Variants in USP24 observed in about 807,000 individuals in gnomAD.
USP24 encodes ubiquitin specific peptidase 24.
USP24 carries 97 observed loss-of-function variants against 361.6 expected under a neutral mutation model. That is an observed-to-expected ratio of 0.27 (90% confidence interval 0.23 to 0.32). The LOEUF (loss-of-function observed/expected upper bound fraction) is 0.32, where lower values mean the gene tolerates loss of function less well. USP24 is among the 10% of genes least tolerant of loss of function. The pLI is 1.00. For missense variants in USP24, 2,353 were observed against 3,165.6 expected, an observed-to-expected ratio of 0.74 and a Z score of 6.16; for synonymous variants, 1,098 against 1,124.6, an observed-to-expected ratio of 0.98 and a Z score of 0.47.
At position 55,143,011 on chromosome 1, in the gene USP24, T is replaced by C; in HGVS notation, c.2548A>G (p.Ser850Gly). Reference sequence around the variant, plus strand: ...AATCTAGGATTTAGATTAATGTAACTATAGTTTATGATTAGCTGAATAGCT... The same window carrying C: ...AATCTAGGATTTAGATTAATGTAACCATAGTTTATGATTAGCTGAATAGCT... ...NEAIQLIINYSYINLNPRLKK... is the reference protein window; with the variant it reads ...NEAIQLIINYGYINLNPRLKK... Residue 850 changes from serine (S) to glycine (G), a missense_variant, in exon 22 of 68, where the codon AGT becomes GGT. This residue lies in a region of USP24 where 949 missense variants were observed against 1,280.5 expected (regional missense o/e 0.74). Coordinates refer to ENST00000294383, the MANE Select transcript of USP24 (RefSeq NM_015306.3). 1.3e-6 allele frequency: 2 copies of C among 1,522,996 alleles called. No individual in the cohort carries two copies. Among genetic ancestry groups the C allele is most frequent in the South Asian group, 1.3e-5 (1 of 78,292 alleles). The allele number at this position is 1,522,996 out of a possible 1,614,324, so 94.3% of individuals were successfully genotyped here. A position where few individuals can be genotyped will look rare whatever the true frequency, so the allele number is the denominator to read the frequency against.
chr1:55,143,194 T>G (rs901164835), intron 21 of USP24, 75 bp from the exon 22 acceptor site: 7 of 1,145,770 alleles, frequency 6.1e-6, no homozygotes, highest in Non-Finnish European at 8.3e-6. Context: ...ATAATTATTT[T>G]GTTACATCAT....
chr1:55,088,733 G>A (rs540810322), intron 55 of USP24, among the ~76,000 whole-genome samples: 12 of 152,268 alleles, frequency 7.9e-5, no homozygotes, highest in Admixed American at 6.5e-4. Flanking sequence ...AGTGCTTGCT[G>A]GAACCCCACA....
intron 62 of USP24, 133 bp from the exon 63 acceptor site, chr1:55,075,656 AC>A (rs1239896819): frequency 3.3e-4 from 165 of 498,832 alleles, no homozygotes; most frequent in East Asian, 1.5e-3. Context: ...AACAACAACA[AC>A]AACAACAACA....
At chr1:55,177,568 AT>A (rs1273471824) in intron 2 of USP24, among the ~76,000 whole-genome samples, 2 of 152,230 alleles carry the variant, frequency 1.3e-5, no homozygotes, top group Admixed American at 1.3e-4. Context: ...ACCTATTGAT[AT>A]TTTATTATTT....
At chr1:55,096,880 G>A (rs1315523211) in intron 49 of USP24, 72 bp downstream of exon 49, 11 of 1,524,304 alleles carry the variant, frequency 7.2e-6, no homozygotes, top group African/African-American at 6.9e-5. Context: ...GCACCACAGC[G>A]GTGAGTATGG....
intron 56 of USP24, among the ~76,000 whole-genome samples, chr1:55,084,705 G>A (rs1013459462): frequency 1.3e-5 from 2 of 152,146 alleles, no homozygotes; most frequent in African/African-American, 2.4e-5. Flanking sequence ...TGGGTGGCAA[G>A]AGGCACCATT....
chr1:55,148,890 T>A (rs550142971), intron 16 of USP24, among the ~76,000 whole-genome samples: 1 of 152,342 alleles, frequency 6.6e-6, no homozygotes, highest in South Asian at 2.1e-4. Context: ...CACAGGCTGC[T>A]AAGTCATGTT....
At chr1:55,176,997 AGGAGGATCACTTAAGCCTG>A (rs1176503340) in intron 2 of USP24, among the ~76,000 whole-genome samples, 1 of 151,120 alleles carries the variant, frequency 6.6e-6, no homozygotes, top group Admixed American at 6.6e-5. Context: ...AGGCTGAGGT[AGGAGGATCACTTAAGCCTG>A]GGAGGTTGAG....
chr1:55,078,765 G>C (rs1645080183), intron 60 of USP24, 114 bp from the exon 61 acceptor site: 1 of 722,292 alleles, frequency 1.4e-6, no homozygotes, highest in Non-Finnish European at 2.2e-6. Context: ...AACACTGCCT[G>C]AAAACAGGGT....
In USP24 at chr1:55,071,892, A is replaced by G. The variant is rs1463995465; in HGVS notation, c.7722T>C (p.Asn2574=). Residue 2574 remains asparagine, a synonymous_variant, in exon 67 of 68, where the codon AAT becomes AAC. Coordinates refer to ENST00000294383, the MANE Select transcript of USP24 (RefSeq NM_015306.3). ...TACTGCTTCCTGATTGCTCTTTTTC[A>G]TTCAACAAAGCTGTGGCATACGCTA... ...DTLAYATALL[N]EKEQSGSSNG... is the part of the protein sequence containing the mutation. 7 of 1,612,686 alleles carry G rather than the reference A, an allele frequency of 4.3e-6. No homozygotes were observed. The South Asian group carries it at 4.4e-5, about 10-fold the overall frequency.
intron 66 of USP24, among the ~76,000 whole-genome samples, 153 bp from the exon 67 acceptor site, chr1:55,072,077 T>G (rs1041514613): frequency 3.3e-5 from 5 of 152,140 alleles, no homozygotes; most frequent in Admixed American, 1.3e-4. Flanking sequence ...CCTCAACCCC[T>G]GTCCCTTTTT....
rs866454312 is a variant in USP24, at chr1:55,215,026, C to T, written c.88G>A (p.Ala30Thr). ...PATIRKALRLAKNDINEAVAL... is the reference protein window; with the variant it reads ...PATIRKALRLTKNDINEAVAL... ...ACGGCCTCGTTAATGTCGTTCTTGG[C>T]CAGGCGCAGGGCCTTGCGGATGGTG... The change falls in exon 1 of 68, where the codon GCC becomes ACC. Residue 30 changes from alanine (A) to threonine (T), a missense_variant. Physicochemically the swap from Ala to Thr is moderately conservative, Grantham distance 58. Coordinates refer to ENST00000294383, the MANE Select transcript of USP24 (RefSeq NM_015306.3). The T allele has an allele frequency of 1.3e-6, 2 of 1,485,708 alleles. No homozygotes were observed. Among genetic ancestry groups the T allele is most frequent in the South Asian group, 1.3e-5 (1 of 78,790 alleles). The allele number at this position is 1,485,708 out of a possible 1,614,324, so 92.0% of individuals were successfully genotyped here. A position where few individuals can be genotyped will look rare whatever the true frequency, so the allele number is the denominator to read the frequency against.
In USP24 at chr1:55,094,866, G is replaced by A. The variant is rs1040008597; in HGVS notation, c.6203+389C>T. 4.6e-5 allele frequency among the ~76,000 whole-genome samples: 7 copies of A among 152,000 alleles called. No homozygotes were observed. The East Asian group carries it at 1.4e-3, about 29-fold the overall frequency. ...ACAGACAAACCAAATATCTGGGCCT[G>A]GTGCCCCTCGCCTGTGGTCCCAGCT... On this transcript the variant is annotated intron_variant, in intron 51 of 67. Coordinates refer to ENST00000294383, the MANE Select transcript of USP24 (RefSeq NM_015306.3).
chr1:55,072,904 C>T, intron 64 of USP24, 43 bp from the exon 65 acceptor site: 1 of 1,553,050 alleles, frequency 6.4e-7, no homozygotes, highest in Non-Finnish European at 8.7e-7. Flanking sequence ...TCTTTCTTTG[C>T]TTGTTCCTAG....
chr1:55,119,259 C>T (rs923223545), intron 38 of USP24, among the ~76,000 whole-genome samples: 7 of 152,166 alleles, frequency 4.6e-5, no homozygotes, highest in Admixed American at 3.9e-4. Context: ...AATTCTGATT[C>T]ATGCTACAAC....
intron 18 of USP24, 120 bp downstream of exon 18, chr1:55,147,527 TAC>T: frequency 9.1e-7 from 1 of 1,104,636 alleles, no homozygotes; most frequent in Non-Finnish European, 1.2e-6. Flanking sequence ...GTTCCCTCAC[TAC>T]AAAGATACCT....
At chr1:55,171,486 T>G in intron 5 of USP24, 70 bp downstream of exon 5, 2 of 1,512,248 alleles carry the variant, frequency 1.3e-6, no homozygotes, top group Non-Finnish European at 1.8e-6. Context: ...AACTTGTCTT[T>G]TTTATAGCAC....
At chr1:55,114,554 T>G (rs113155762) in intron 38 of USP24, among the ~76,000 whole-genome samples, 271 of 152,086 alleles carry the variant, frequency 1.8e-3, no homozygotes, top group African/African-American at 6.0e-3. Context: ...TACAGACCAA[T>G]GGAACAGAAC....
Position 55,193,680 on chromosome 1 carries a change from G to A in USP24, c.325-15548C>T, listed in dbSNP as rs371407315. 1.3e-5 allele frequency among the ~76,000 whole-genome samples: 2 copies of A among 152,124 alleles called. 1 individual carries two copies. The highest frequency in any genetic ancestry group is 4.8e-5 in the African/African-American group (2 of 41,420). On this transcript the variant is annotated intron_variant, in intron 1 of 67. Coordinates refer to ENST00000294383, the MANE Select transcript of USP24 (RefSeq NM_015306.3). The stretch of plus-strand genomic sequence containing the variant: ...GTGAGCAGTAAAGGAGAACTAATAC[G>A]TCTACTGAGCACCTAGCTGCTACAT...
Sources: gnomAD v4.1 joint callset for allele counts (sites outside exome capture counted in the v4.1 genomes callset) on GRCh38, gnomAD v4.1.1 for gene constraint, gnomAD v4.1.1 regional missense constraint, MANE v1.5 for transcripts, NCBI Gene and HGNC (gene_info 2026-07-23, HGNC 2026-07-21) for gene names.